Variants in GRXCR2 observed in about 807,000 individuals in gnomAD.
GRXCR2 encodes glutaredoxin domain-containing cysteine-rich protein 2.
In GRXCR2, 23 loss-of-function variants were observed where a neutral mutation model predicts 24.8. The ratio of observed to expected loss-of-function variants is 0.93; its 90% CI spans 0.67 to 1.32. The LOEUF is 1.32. Ranked by LOEUF, GRXCR2 falls within the 40% of genes most tolerant of loss-of-function variation. The pLI is 0.00. For missense variants in GRXCR2, 315 were observed against 303.4 expected (o/e 1.04, Z -0.28); for synonymous variants, 130 against 116.1 (o/e 1.12, Z -0.77).
intron 2 of GRXCR2, among the ~76,000 whole-genome samples, chr5:145,928,972 T>A (rs1228447892): frequency 2.6e-5 from 4 of 151,936 alleles, no homozygotes; most frequent in Non-Finnish European, 5.9e-5. Flanking sequence ...TGAGCAAAAT[T>A]TTTAAAAATA....
At chr5:145,863,813 T>C (rs977335606) in intron 2 of GRXCR2, among the ~76,000 whole-genome samples, 2 of 152,166 alleles carry the variant, frequency 1.3e-5, no homozygotes, top group Non-Finnish European at 2.9e-5. Flanking sequence ...TAGTTCTGTG[T>C]AGAACATGAG....
chr5:145,930,096 T>G (rs1757459495), intron 2 of GRXCR2, among the ~76,000 whole-genome samples: 1 of 150,784 alleles, frequency 6.6e-6, no homozygotes, highest in East Asian at 1.9e-4. Context: ...TAAAAACAAT[T>G]TTTTTTGAGA....
At chr5:145,874,209 A>ATT (rs1184224409), upstream of GRXCR2, among the ~76,000 whole-genome samples, 7 of 141,610 alleles carry the variant, frequency 4.9e-5, no homozygotes, top group South Asian at 4.5e-4. Flanking sequence ...ATTTTATTTT[A>ATT]TTTTTTTTTT....
chr5:145,873,232 T>C (rs532907722), upstream of GRXCR2, among the ~76,000 whole-genome samples: 1 of 152,270 alleles, frequency 6.6e-6, no homozygotes, highest in South Asian at 2.1e-4. Context: ...CACCATGACT[T>C]CACCCCAACC....
At chr5:145,923,761 T>C (rs79001501) in intron 2 of GRXCR2, among the ~76,000 whole-genome samples, 2,204 of 152,276 alleles carry the variant, frequency 0.014, 60 homozygotes, top group African/African-American at 0.05. Context: ...ATCTTCTTTT[T>C]TCCATTATAT....
chr5:145,870,496 G>A (rs1268049268), intron 1 of GRXCR2, among the ~76,000 whole-genome samples: 1 of 152,116 alleles, frequency 6.6e-6, no homozygotes. Context: ...GGACATTTGG[G>A]TTCTTTCCAC....
At chr5:145,860,926 A>G (rs923430273) in intron 2 of GRXCR2, among the ~76,000 whole-genome samples, 1 of 151,686 alleles carries the variant, frequency 6.6e-6, no homozygotes, top group Admixed American at 6.6e-5. Flanking sequence ...CTTGACTCCC[A>G]CTCTTCAGAA....
At chr5:145,865,936 G>C (rs554341040) in intron 2 of GRXCR2, among the ~76,000 whole-genome samples, 2 of 151,800 alleles carry the variant, frequency 1.3e-5, no homozygotes, top group Non-Finnish European at 2.9e-5. Context: ...ACAGGAGTTC[G>C]GGACCAGCCT....
chr5:145,930,416 T>C (rs1757463242), intron 2 of GRXCR2, among the ~76,000 whole-genome samples: 2 of 152,204 alleles, frequency 1.3e-5, no homozygotes, highest in African/African-American at 4.8e-5. Flanking sequence ...CAAGTTCAGA[T>C]CTAGGCAGGC....
intron 2 of GRXCR2, among the ~76,000 whole-genome samples, chr5:145,904,651 C>T (rs1479148127): frequency 3.3e-5 from 5 of 152,132 alleles, no homozygotes; most frequent in Non-Finnish European, 4.4e-5. Context: ...GTGATTGGTT[C>T]GGGGTTGGAC....
intron 2 of GRXCR2, among the ~76,000 whole-genome samples, chr5:145,896,850 C>G (rs892471506): frequency 2.6e-5 from 4 of 152,038 alleles, no homozygotes; most frequent in African/African-American, 9.7e-5. Context: ...TTTATTGCGG[C>G]ACTATTCACA....
chr5:145,909,371 G>GTCAA (rs375143569), intron 2 of GRXCR2, among the ~76,000 whole-genome samples: 2 of 151,578 alleles, frequency 1.3e-5, no homozygotes, highest in African/African-American at 4.9e-5. Flanking sequence ...AGAAGGATTC[G>GTCAA]TCTATTTTCA....
chr5:145,892,565 G>A (rs1756884696), intron 2 of GRXCR2, among the ~76,000 whole-genome samples: 1 of 152,180 alleles, frequency 6.6e-6, no homozygotes, highest in Admixed American at 6.5e-5. Context: ...AATGAAGCGA[G>A]AAGAGAAGTT....
Position 145,859,720 on chromosome 5 carries a change from C to T in GRXCR2, c.*13G>A. 3 of 1,613,666 alleles carry T rather than the reference C, an allele frequency of 1.9e-6. No homozygotes were observed. The highest frequency in any genetic ancestry group is 3.3e-4 in the Middle Eastern group (2 of 6,062). On this transcript the variant is annotated 3_prime_UTR_variant, in exon 3 of 3. Transcript: ENST00000377976. The stretch of plus-strand genomic sequence containing the variant: ...GGAGGGTAAGATAACAGTGGACATG[C>T]AAAAGCCACGGGCTATTGATTGCAA...
intron 2 of GRXCR2, among the ~76,000 whole-genome samples, chr5:145,894,950 C>A (rs1455206575): frequency 6.6e-6 from 1 of 152,194 alleles, no homozygotes; most frequent in African/African-American, 2.4e-5. Context: ...ATCAAGTCGT[C>A]TTCATCCCTG....
Position 145,872,033 on chromosome 5 carries a change from C to T in GRXCR2, c.336+600G>A, listed in dbSNP as rs340053. 6.4e-3 allele frequency among the ~76,000 whole-genome samples: 969 copies of T among 152,272 alleles called. 10 individuals carry two copies. The highest frequency in any genetic ancestry group is 0.022 in the African/African-American group (917 of 41,556). On this transcript the variant is annotated intron_variant, in intron 1 of 2. Coordinates refer to ENST00000377976, the MANE Select transcript of GRXCR2 (RefSeq NM_001080516.2). Reference sequence around the variant, plus strand: ...TCATAGATTAAACACATTCTTCAATCGAACCATTAGCTCAAACTTCTTCCT... The same window carrying T: ...TCATAGATTAAACACATTCTTCAATTGAACCATTAGCTCAAACTTCTTCCT...
intron 2 of GRXCR2, among the ~76,000 whole-genome samples, chr5:145,884,298 C>T (rs779220717): frequency 4.0e-5 from 6 of 151,672 alleles, no homozygotes; most frequent in East Asian, 1.9e-4. Flanking sequence ...AATATATCAA[C>T]GAAAAAATGT....
chr5:145,894,379 C>A (rs1325892502), intron 2 of GRXCR2, among the ~76,000 whole-genome samples: 4 of 152,096 alleles, frequency 2.6e-5, no homozygotes, highest in East Asian at 1.9e-4. Flanking sequence ...AATTGATAGA[C>A]CGCTAGCAAG....
intron 2 of GRXCR2, among the ~76,000 whole-genome samples, chr5:145,913,373 T>C (rs544333791): frequency 2.6e-4 from 39 of 152,020 alleles, no homozygotes; most frequent in African/African-American, 9.2e-4. Flanking sequence ...TCCTGATAGA[T>C]AAGGGGGAAA....
Sources: gnomAD v4.1 joint callset for allele counts (sites outside exome capture counted in the v4.1 genomes callset) on GRCh38, gnomAD v4.1.1 for gene constraint, MANE v1.5 for transcripts, NCBI Gene and HGNC (gene_info 2026-07-23, HGNC 2026-07-21) for gene names.